DOK5: variants seen among roughly 807,000 people sequenced by gnomAD.
DOK5 encodes the protein docking protein 5, also known as downstream of tyrosine kinase 5.
DOK5 carries 27 observed loss-of-function variants against 43.3 expected under a neutral mutation model. That is an observed-to-expected ratio of 0.62 (90% CI 0.46 to 0.86). DOK5 has a LOEUF of 0.86. Among genes scored for constraint, DOK5 ranks in the 40% least tolerant of loss-of-function variants. The pLI, the probability that DOK5 is intolerant of heterozygous loss-of-function variation, is 0.00. For missense variants in DOK5, 373 were observed against 392.9 expected (o/e 0.95, Z 0.43); for synonymous variants, 146 against 140.1 (o/e 1.04, Z -0.30).
chr20:54,517,787 T>A (rs570678526), intron 1 of DOK5, among the ~76,000 whole-genome samples: 2 of 152,226 alleles, frequency 1.3e-5, no homozygotes, highest in Non-Finnish European at 2.9e-5. Flanking sequence ...GTAGTGCTTT[T>A]ACAAAACAGA....
At chr20:54,571,986 C>T (rs1985297565) in intron 2 of DOK5, among the ~76,000 whole-genome samples, 1 of 152,108 alleles carries the variant, frequency 6.6e-6, no homozygotes, top group Admixed American at 6.6e-5. Flanking sequence ...CGTGCTCATC[C>T]TTCGAGACCC....
intron 5 of DOK5, among the ~76,000 whole-genome samples, chr20:54,600,863 G>A (rs1249852359): frequency 6.6e-6 from 1 of 152,160 alleles, no homozygotes; most frequent in African/African-American, 2.4e-5. Context: ...TTTAGATGAG[G>A]TTAAATTCTT....
In DOK5 at chr20:54,588,351, A is replaced by G. The variant is rs1323591886; in HGVS notation, c.175-132A>G. On this transcript the variant is annotated intron_variant, in intron 2 of 7. Transcript: ENST00000262593. ...CACTTAAATACATCTTAGCTTTCAG[A>G]TGTAGATACTTTTTCAACAGGTTGT... is the stretch of plus-strand genomic sequence containing the variant. 4.1e-5 allele frequency: 28 copies of G among 686,390 alleles called. No individual in the cohort carries two copies. The Admixed American group carries it at 6.6e-4, about 16-fold the overall frequency. The allele number at this position is 686,390 out of a possible 1,614,324, so 42.5% of individuals were successfully genotyped here.
chr20:54,640,088 C>T (rs1328891982), intron 6 of DOK5, among the ~76,000 whole-genome samples: 2 of 152,086 alleles, frequency 1.3e-5, no homozygotes, highest in Non-Finnish European at 1.5e-5. Flanking sequence ...CATTTAGACA[C>T]ACCAGTGAAG....
At chr20:54,551,977 G>A (rs1198352564) in intron 1 of DOK5, among the ~76,000 whole-genome samples, 1 of 152,040 alleles carries the variant, frequency 6.6e-6, no homozygotes, top group African/African-American at 2.4e-5. Context: ...ACAGGCATGT[G>A]CCACCACTCC....
At chr20:54,606,304 T>G (rs1986465917) in intron 5 of DOK5, among the ~76,000 whole-genome samples, 1 of 152,202 alleles carries the variant, frequency 6.6e-6, no homozygotes, top group Non-Finnish European at 1.5e-5. Flanking sequence ...GGGTTTCCAA[T>G]CCACTGGTTT....
intron 6 of DOK5, among the ~76,000 whole-genome samples, chr20:54,615,396 G>T (rs373126342): frequency 6.6e-6 from 1 of 152,136 alleles, no homozygotes; most frequent in African/African-American, 2.4e-5. Context: ...CTGAGATGGC[G>T]ACAGTATCCT....
At chr20:54,486,578 C>T (rs1231817047) in intron 1 of DOK5, among the ~76,000 whole-genome samples, 1 of 152,088 alleles carries the variant, frequency 6.6e-6, no homozygotes, top group Non-Finnish European at 1.5e-5. Context: ...CATGCACACA[C>T]ACACACACAC....
chr20:54,555,049 C>T lies in DOK5; in HGVS notation c.174+9C>T. On this transcript the variant is annotated intron_variant, in intron 2 of 7. Coordinates refer to ENST00000262593, the MANE Select transcript of DOK5 (RefSeq NM_018431.5). The stretch of plus-strand genomic sequence containing the variant: ...TCAGGTGTTATCATAAGGTAAGACT[C>T]AATTGCTGTAGCTTTCCAGTAATCT... The T allele has an allele frequency of 1.9e-6, 3 of 1,568,390 alleles. No homozygotes were observed. The highest frequency in any genetic ancestry group is 2.6e-6 in the Non-Finnish European group (3 of 1,138,412).
At chr20:54,604,298 T>A (rs1986396391) in intron 5 of DOK5, among the ~76,000 whole-genome samples, 1 of 149,864 alleles carries the variant, frequency 6.7e-6, no homozygotes, top group Admixed American at 6.6e-5. Context: ...GTAAACATTC[T>A]GTGCTTTTTT....
intron 6 of DOK5, among the ~76,000 whole-genome samples, chr20:54,628,348 G>A (rs1447034681): frequency 2.2e-5 from 3 of 134,576 alleles, no homozygotes; most frequent in Non-Finnish European, 4.6e-5. Flanking sequence ...GGCGGAGCTT[G>A]CAGTGAGCCG....
intron 2 of DOK5, among the ~76,000 whole-genome samples, chr20:54,565,002 C>A (rs955694196): frequency 6.6e-6 from 1 of 152,164 alleles, no homozygotes; most frequent in African/African-American, 2.4e-5. Flanking sequence ...CTATTGAGCT[C>A]TCCCCCATTT....
At chr20:54,519,869 T>C (rs1364167665) in intron 1 of DOK5, among the ~76,000 whole-genome samples, 1 of 152,232 alleles carries the variant, frequency 6.6e-6, no homozygotes, top group Non-Finnish European at 1.5e-5. Flanking sequence ...TTAGAAATTG[T>C]AGATTATCTG....
At chr20:54,610,654 A>T in intron 6 of DOK5, 131 bp downstream of exon 6, 1 of 1,087,926 alleles carries the variant, frequency 9.2e-7, no homozygotes, top group Non-Finnish European at 1.2e-6. Flanking sequence ...ACAGTGTATC[A>T]CTTGGATTAA....
intron 1 of DOK5, among the ~76,000 whole-genome samples, chr20:54,482,741 C>T (rs1202668043): frequency 6.6e-6 from 1 of 152,216 alleles, no homozygotes; most frequent in Non-Finnish European, 1.5e-5. Context: ...TGGTGATCCA[C>T]CCGTTTCAGC....
chr20:54,526,410 A>C (rs1568767613), intron 1 of DOK5, among the ~76,000 whole-genome samples: 1 of 152,166 alleles, frequency 6.6e-6, no homozygotes, highest in Non-Finnish European at 1.5e-5. Context: ...GTGTCCTTTG[A>C]TCCAGAGCTG....
intron 1 of DOK5, among the ~76,000 whole-genome samples, chr20:54,538,135 C>T (rs1037321987): frequency 1.3e-5 from 2 of 151,836 alleles, no homozygotes; most frequent in African/African-American, 4.8e-5. Flanking sequence ...CTGCACTTGG[C>T]CACAACAAGA....
intron 1 of DOK5, among the ~76,000 whole-genome samples, chr20:54,531,978 C>T (rs1376277602): frequency 6.6e-6 from 1 of 152,046 alleles, no homozygotes; most frequent in Non-Finnish European, 1.5e-5. Flanking sequence ...ATGAGAGGGG[C>T]CTCTCATGTA....
At chr20:54,610,262 T>C (rs1325823306) in intron 5 of DOK5, 126 bp from the exon 6 acceptor site, 1 of 1,052,710 alleles carries the variant, frequency 9.5e-7, no homozygotes, top group Non-Finnish European at 1.2e-6. Flanking sequence ...TTAACTTTGT[T>C]TAACAAATGT....
Sources: allele counts gnomAD v4.1 joint callset (sites outside exome capture counted in the v4.1 genomes callset), GRCh38; gene constraint gnomAD v4.1.1; transcripts MANE v1.5; gene names NCBI Gene and HGNC (gene_info 2026-07-23, HGNC 2026-07-21).